The following YEATS4 variants were observed in gnomAD, a reference collection of about 807,000 sequenced individuals.
YEATS4 encodes the protein YEATS domain-containing protein 4.
A neutral mutation model predicts 30.1 loss-of-function variants in YEATS4; 17 were observed. The observed-to-expected ratio is 0.56, with a 90% CI of 0.39 to 0.85. The LOEUF (loss-of-function observed/expected upper bound fraction) is 0.85, where lower values mean the gene tolerates loss of function less well. Among genes scored for constraint, YEATS4 ranks in the 40% least tolerant of loss-of-function variants. The probability of loss-of-function intolerance (pLI) is 0.00; values close to 1 mark genes in which losing one functional copy is unlikely to be tolerated. For synonymous variants in YEATS4, 85 were observed against 87.5 expected (o/e 0.97, Z 0.16); for missense variants, 142 against 268.3 (o/e 0.53, Z 3.29).
chr12:69,395,260 T>C (rs1161766470), downstream of YEATS4, among the ~76,000 whole-genome samples: 2 of 151,956 alleles, frequency 1.3e-5, no homozygotes, highest in African/African-American at 4.8e-5. Context: ...TATCCAAATA[T>C]GCAAGATATG....
At chr12:69,384,995 C>G (rs927528858) in intron 6 of YEATS4, among the ~76,000 whole-genome samples, 19 of 150,634 alleles carry the variant, frequency 1.3e-4, no homozygotes, top group Non-Finnish European at 2.5e-4. Context: ...TATATTTGTC[C>G]TATTAAATTA....
chr12:69,363,966 C>A (rs1875332161), intron 2 of YEATS4, among the ~76,000 whole-genome samples: 2 of 151,974 alleles, frequency 1.3e-5, no homozygotes, highest in South Asian at 2.1e-4. Flanking sequence ...ATAAAAAAGG[C>A]CAAATATTAT....
At chr12:69,404,846 G>A in the YEATS4 span, among the ~76,000 whole-genome samples, 2 of 152,176 alleles carry the variant, frequency 1.3e-5, no homozygotes, top group African/African-American at 2.4e-5. Context: ...GCCTTGATTA[G>A]ACTTGGGTGG....
In YEATS4 at chr12:69,365,659, C is replaced by T. The variant is rs368171020; in HGVS notation, c.198C>T (p.Ile66=). Residue 66 remains isoleucine, a synonymous_variant, in exon 3 of 7, where the codon ATC becomes ATT. Transcript: ENST00000247843. ...NEDMSAYVKK[I]QFKLHESYGN... ...ATATGTCAGCATATGTGAAGAAAATCCAGTTTAAATTACATGAAAGCTATG... is the reference window on the plus strand; with the variant it reads ...ATATGTCAGCATATGTGAAGAAAATTCAGTTTAAATTACATGAAAGCTATG... 8.1e-6 allele frequency: 13 copies of T among 1,611,050 alleles called. No individual in the cohort carries two copies. Among genetic ancestry groups the T allele is most frequent in the Non-Finnish European group, 1.1e-5 (13 of 1,178,038 alleles).
At chr12:69,420,535 GAC>G in the YEATS4 span, among the ~76,000 whole-genome samples, 139 of 152,150 alleles carry the variant, frequency 9.1e-4, 2 homozygotes, top group East Asian at 0.017. Context: ...GTGAGGGAGA[GAC>G]AGGGACAGAG....
chr12:69,386,994 C>T (rs1290623820), intron 6 of YEATS4, among the ~76,000 whole-genome samples: 1 of 151,924 alleles, frequency 6.6e-6, no homozygotes, highest in Non-Finnish European at 1.5e-5. Flanking sequence ...TGTGCTCTTT[C>T]CCCACCCCAC....
At chr12:69,386,126 C>T (rs1192306615) in intron 6 of YEATS4, among the ~76,000 whole-genome samples, 1 of 152,142 alleles carries the variant, frequency 6.6e-6, no homozygotes, top group African/African-American at 2.4e-5. Flanking sequence ...ACATAGGAAG[C>T]AGAACACTGG....
Position 69,359,939 on chromosome 12 carries a change from T to A in YEATS4, c.-34T>A. The A allele has an allele frequency of 1.2e-6, 2 of 1,611,876 alleles. No homozygotes were observed. The highest frequency in any genetic ancestry group is 1.7e-6 in the Non-Finnish European group (2 of 1,178,912). On this transcript the variant is annotated 5_prime_UTR_variant, in exon 1 of 7. Coordinates refer to ENST00000247843, the MANE Select transcript of YEATS4 (RefSeq NM_006530.4). ...GCGACCCCGCCAGCCCCGGTCTCTT[T>A]CCCTGGCGGCGGCGGCTTCTTCCGT...
chr12:69,388,040 A>G (rs916716024), intron 6 of YEATS4, among the ~76,000 whole-genome samples: 2 of 104,940 alleles, frequency 1.9e-5, no homozygotes, highest in African/African-American at 7.2e-5. Flanking sequence ...TATTCATTGA[A>G]TTTTTTTATT....
intron 6 of YEATS4, among the ~76,000 whole-genome samples, chr12:69,386,393 C>G (rs1057181846): frequency 3.3e-5 from 5 of 152,222 alleles, no homozygotes; most frequent in African/African-American, 1.2e-4. Flanking sequence ...TATGCTGCTT[C>G]CTGGGCCTGT....
the YEATS4 span, among the ~76,000 whole-genome samples, chr12:69,413,837 G>A: frequency 1.4e-5 from 2 of 143,062 alleles, no homozygotes; most frequent in African/African-American, 2.6e-5. Flanking sequence ...GGAAAACAGA[G>A]CAAGACTTCG....
the YEATS4 span, among the ~76,000 whole-genome samples, chr12:69,418,325 G>A: frequency 1.3e-5 from 2 of 152,138 alleles, no homozygotes; most frequent in African/African-American, 2.4e-5. Context: ...GATGGCACAC[G>A]TCTGTAATCC....
At chr12:69,372,552 T>G (rs1205694165) in intron 6 of YEATS4, among the ~76,000 whole-genome samples, 1 of 150,598 alleles carries the variant, frequency 6.6e-6, no homozygotes. Context: ...TTTTTTTTTT[T>G]GAGACAGAGC....
intron 1 of YEATS4, chr12:69,361,478 C>A (rs987728915): frequency 6.6e-6 from 1 of 152,248 alleles, no homozygotes; most frequent in African/African-American, 2.4e-5. Context: ...TTAGTAGAGA[C>A]GGGGGCTTCT....
At chr12:69,424,665 C>G in the YEATS4 span, among the ~76,000 whole-genome samples, 25 of 152,200 alleles carry the variant, frequency 1.6e-4, no homozygotes, top group Admixed American at 3.9e-4. Flanking sequence ...CTCACGAGAT[C>G]TGATGGCTTT....
At chr12:69,404,091 A>T in the YEATS4 span, among the ~76,000 whole-genome samples, 1 of 152,114 alleles carries the variant, frequency 6.6e-6, no homozygotes, top group Non-Finnish European at 1.5e-5. Context: ...TTTCAAACAC[A>T]ATTTCACGCT....
At chr12:69,389,522 C>T (rs1351547505) in intron 6 of YEATS4, among the ~76,000 whole-genome samples, 1 of 147,704 alleles carries the variant, frequency 6.8e-6, no homozygotes, top group East Asian at 2.0e-4. Flanking sequence ...CCCCCCCACC[C>T]CCACCCATTA....
chr12:69,414,339 ACTAC>A, the YEATS4 span, among the ~76,000 whole-genome samples: 43,731 of 151,786 alleles, frequency 0.29, 7,088 homozygotes, highest in Non-Finnish European at 0.37. Flanking sequence ...AAGTGATCCT[ACTAC>A]CTCAGCCTCC....
chr12:69,372,580 G>A (rs377060325), intron 6 of YEATS4, among the ~76,000 whole-genome samples: 2 of 144,460 alleles, frequency 1.4e-5, no homozygotes. Context: ...TGTTGGCCTG[G>A]CTGGAGGGCA....
Sources: allele counts gnomAD v4.1 joint callset (sites outside exome capture counted in the v4.1 genomes callset), GRCh38; gene constraint gnomAD v4.1.1; transcripts MANE v1.5; gene names NCBI Gene and HGNC (gene_info 2026-07-23, HGNC 2026-07-21).